LPCAT1: variants seen among roughly 807,000 people sequenced by gnomAD.
The protein encoded by LPCAT1 is lysophosphatidylcholine acyltransferase 1, also known as 1-acylglycerol-3-phosphate O-acyltransferase.
A neutral mutation model predicts 60.9 loss-of-function variants in LPCAT1; 23 were observed. That is an observed-to-expected ratio of 0.38 (90% CI 0.27 to 0.53). The LOEUF is 0.53. Among genes scored for constraint, LPCAT1 ranks in the 20% least tolerant of loss-of-function variants. The pLI, the probability that LPCAT1 is intolerant of heterozygous loss-of-function variation, is 0.82. For missense variants in LPCAT1, 622 were observed against 723.6 expected (o/e 0.86, Z 1.61); for synonymous variants, 340 against 301.1 (o/e 1.13, Z -1.34).
At chr5:1,465,520 C>A (rs1434673069) in intron 13 of LPCAT1, among the ~76,000 whole-genome samples, 4 of 151,860 alleles carry the variant, frequency 2.6e-5, no homozygotes, top group African/African-American at 9.7e-5. Context: ...TGTGCACACA[C>A]ACAAAACAAG....
At chr5:1,517,476 C>T (rs1046631842) in intron 1 of LPCAT1, among the ~76,000 whole-genome samples, 1 of 152,184 alleles carries the variant, frequency 6.6e-6, no homozygotes, top group African/African-American at 2.4e-5. Context: ...CAGGGAGCCA[C>T]GTTCTCCGCT....
At position 1,466,843 on chromosome 5, in the gene LPCAT1, G is replaced by A. The variant is rs1193850792; in HGVS notation, c.1326C>T (p.Ser442=). The change falls in exon 13 of 14, where the codon TCC becomes TCT. Residue 442 remains serine, a synonymous_variant. Transcript: ENST00000283415. ...EDGSVGEGDL[S]CILKTALGVA... Reference sequence around the variant, plus strand: ...CCCCCAGGGCCGTCTTGAGGATGCAGGACAGGTCACCTTCGCCGACGCTGC... The same window carrying A: ...CCCCCAGGGCCGTCTTGAGGATGCAAGACAGGTCACCTTCGCCGACGCTGC... The A allele has an allele frequency of 3.1e-6, 5 of 1,611,292 alleles. No individual in the cohort carries two copies. The East Asian group carries it at 9.0e-5, about 29-fold the overall frequency.
Position 1,477,700 on chromosome 5 carries a change from T to C in LPCAT1, c.817-214A>G, listed in dbSNP as rs2911489. Among the ~76,000 whole-genome samples, 4,280 of 152,196 alleles carry C rather than the reference T, an allele frequency of 0.028. 199 individuals carry two copies. The highest frequency in any genetic ancestry group is 0.094 in the African/African-American group (3,886 of 41,494). On this transcript the variant is annotated intron_variant, in intron 8 of 13. Transcript: ENST00000283415. The surrounding 1 kb of genome is among the most constrained non-coding windows in gnomAD (Gnocchi z 6.0). The stretch of plus-strand genomic sequence containing the variant: ...TGTGCACCTGAACACTCACCCTCAT[T>C]GGTGCTCCCTGGGAGCACCTGCTGC...
chr5:1,488,342 A>C (rs1426565852), intron 5 of LPCAT1, 49 bp downstream of exon 5: 4 of 1,203,190 alleles, frequency 3.3e-6, no homozygotes, highest in African/African-American at 1.5e-5. Context: ...TCTCTTTAAT[A>C]TTTTCCTTTT....
Position 1,477,562 on chromosome 5 carries a change from G to A in LPCAT1, c.817-76C>T, listed in dbSNP as rs1033129883. 2.2e-5 allele frequency: 25 copies of A among 1,115,010 alleles called. No homozygotes were observed. Among genetic ancestry groups the A allele is most frequent in the Non-Finnish European group, 2.8e-5 (21 of 751,628 alleles). 69.1% of individuals were successfully genotyped at this position (1,115,010 alleles called of 1,614,324 possible). On this transcript the variant is annotated intron_variant, in intron 8 of 13. Transcript: ENST00000283415. This position sits in a 1 kb window ranked among gnomAD's most constrained non-coding sequence, Gnocchi z 6.0. ...ACACCACTGTAACGACAACTGGGAG[G>A]CTGACAAAATTAAGATCTGTCAAAG... is the stretch of plus-strand genomic sequence containing the variant.
intron 12 of LPCAT1, among the ~76,000 whole-genome samples, chr5:1,469,773 T>C (rs1385090863): frequency 6.7e-6 from 1 of 150,058 alleles, no homozygotes; most frequent in African/African-American, 2.5e-5. Flanking sequence ...AGAGCGAGAC[T>C]CCATCTCACA....
intron 1 of LPCAT1, among the ~76,000 whole-genome samples, chr5:1,520,653 G>A (rs1736642474): frequency 6.6e-6 from 1 of 152,152 alleles, no homozygotes; most frequent in South Asian, 2.1e-4. Context: ...AAGGTCAGGA[G>A]ATCGAGACCA....
intron 13 of LPCAT1, among the ~76,000 whole-genome samples, chr5:1,464,695 TGCACACACACAAAGA>T (rs1248705351): frequency 8.7e-6 from 1 of 115,446 alleles, no homozygotes; most frequent in Non-Finnish European, 1.7e-5. Flanking sequence ...AACACATGCG[TGCACACACACAAAGA>T]GCACACACGG....
intron 12 of LPCAT1, among the ~76,000 whole-genome samples, chr5:1,467,535 A>G (rs957943646): frequency 9.2e-5 from 14 of 152,044 alleles, no homozygotes; most frequent in Admixed American, 6.5e-4. Flanking sequence ...CCCAGTGCCG[A>G]GGCGCCTGCC....
chr5:1,494,414 T>TGG (rs35251440), intron 3 of LPCAT1, among the ~76,000 whole-genome samples: 114 of 133,222 alleles, frequency 8.6e-4, no homozygotes, highest in Middle Eastern at 3.9e-3. Flanking sequence ...AGCAGCGTGG[T>TGG]GGGGGGGGGG....
At chr5:1,498,579 A>G (rs1735882637) in intron 2 of LPCAT1, among the ~76,000 whole-genome samples, 1 of 152,256 alleles carries the variant, frequency 6.6e-6, no homozygotes, top group East Asian at 1.9e-4. Context: ...TCATACACAT[A>G]TGTACATACA....
Position 1,483,219 on chromosome 5 carries a change from G to A in LPCAT1, c.726+209C>T, listed in dbSNP as rs1325860177. On this transcript the variant is annotated intron_variant, in intron 6 of 13. Transcript: ENST00000283415. This position sits in a 1 kb window ranked among gnomAD's most constrained non-coding sequence, Gnocchi z 9.2. Reference sequence around the variant, plus strand: ...GATCAGGGACACGTGCATAGAACAGGCCGCACTCAGGAACGTGCCGAGCCC... The same window carrying A: ...GATCAGGGACACGTGCATAGAACAGACCGCACTCAGGAACGTGCCGAGCCC... Among the ~76,000 whole-genome samples the A allele has an allele frequency of 6.6e-6, 1 of 152,124 alleles. No homozygotes were observed. The highest frequency in any genetic ancestry group is 1.5e-5 in the Non-Finnish European group (1 of 68,014).
chr5:1,478,989 C>T (rs977909099), intron 8 of LPCAT1, among the ~76,000 whole-genome samples: 4 of 152,134 alleles, frequency 2.6e-5, no homozygotes, highest in South Asian at 2.1e-4. Context: ...ACAAACTCAG[C>T]GGTATTAAAT....
intron 1 of LPCAT1, among the ~76,000 whole-genome samples, chr5:1,520,190 C>T (rs573657400): frequency 2.7e-4 from 41 of 152,370 alleles, no homozygotes; most frequent in African/African-American, 9.1e-4. Context: ...TGCAGGCACA[C>T]GAATTCCTGT....
chr5:1,492,224 G>A (rs903078642), intron 3 of LPCAT1, among the ~76,000 whole-genome samples: 3 of 150,750 alleles, frequency 2.0e-5, no homozygotes, highest in Non-Finnish European at 2.9e-5. Flanking sequence ...TCTGAGCTGG[G>A]ACAAGGGGAG....
chr5:1,473,198 G>C (rs1231948348), intron 11 of LPCAT1, among the ~76,000 whole-genome samples: 1 of 152,204 alleles, frequency 6.6e-6, no homozygotes, highest in East Asian at 1.9e-4. Flanking sequence ...CATATATGGT[G>C]CTGTCACACG....
chr5:1,464,948 CAT>C (rs568964214), intron 13 of LPCAT1, among the ~76,000 whole-genome samples: 150 of 151,488 alleles, frequency 9.9e-4, no homozygotes, highest in African/African-American at 3.2e-3. Context: ...CATGCACACA[CAT>C]GGTAACTACA....
chr5:1,480,251 T>A lies in LPCAT1; in HGVS notation c.762-576A>T. 1.4e-5 allele frequency: 9 copies of A among 658,620 alleles called. No individual in the cohort carries two copies. The highest frequency in any genetic ancestry group is 1.7e-5 in the Non-Finnish European group (9 of 535,108). 40.8% of individuals were successfully genotyped at this position (658,620 alleles called of 1,614,324 possible). ...ACCCCCCAGAGCCCCCTCCCAGCTCTGCTCCCAGCTGGGAGCCTCCACACG... is the reference window on the plus strand; with the variant it reads ...ACCCCCCAGAGCCCCCTCCCAGCTCAGCTCCCAGCTGGGAGCCTCCACACG... On this transcript the variant is annotated intron_variant, in intron 7 of 13. Transcript: ENST00000283415. The surrounding 1 kb of genome is among the most constrained non-coding windows in gnomAD (Gnocchi z 6.4).
Position 1,483,947 on chromosome 5 carries a change from G to T in LPCAT1, c.668-461C>A, listed in dbSNP as rs1735271226. ...TCTGCTGTAACATCGCGCACCAGCTGGAAGGCGTTGGTGGGAAGTGGGGGT... is the reference window on the plus strand; with the variant it reads ...TCTGCTGTAACATCGCGCACCAGCTTGAAGGCGTTGGTGGGAAGTGGGGGT... On this transcript the variant is annotated intron_variant, in intron 5 of 13. Transcript: ENST00000283415. The surrounding 1 kb of genome is among the most constrained non-coding windows in gnomAD (Gnocchi z 9.2). 6.6e-6 allele frequency among the ~76,000 whole-genome samples: 1 copy of T among 152,360 alleles called. No individual in the cohort carries two copies. The highest frequency in any genetic ancestry group is 2.1e-4 in the South Asian group (1 of 4,828).
Sources: allele counts gnomAD v4.1 joint callset (sites outside exome capture counted in the v4.1 genomes callset), GRCh38; gene constraint gnomAD v4.1.1; non-coding constraint Gnocchi (gnomAD v3.1); transcripts MANE v1.5; gene names NCBI Gene and HGNC (gene_info 2026-07-23, HGNC 2026-07-21).